The following SESTD1 variants were observed in gnomAD, a reference collection of about 807,000 sequenced individuals.
The protein encoded by SESTD1 is SEC14 and spectrin domain containing 1.
Under a neutral mutation model 101.7 loss-of-function variants are expected in SESTD1, and 43 were observed. The observed-to-expected ratio is 0.42, with a 90% CI of 0.33 to 0.55. The LOEUF is 0.55. SESTD1 is among the 20% of genes least tolerant of loss of function. The pLI, the probability that SESTD1 is intolerant of heterozygous loss-of-function variation, is 0.07. For missense variants in SESTD1, 647 were observed against 815.1 expected (o/e 0.79, Z 2.51); for synonymous variants, 283 against 286.8 (o/e 0.99, Z 0.13).
At chr2:179,197,291 A>G (rs1433729904) in intron 1 of SESTD1, among the ~76,000 whole-genome samples, 1 of 152,154 alleles carries the variant, frequency 6.6e-6, no homozygotes, top group Non-Finnish European at 1.5e-5. Context: ...CAAAGCCTCC[A>G]AGAAATATGG....
At chr2:179,152,541 CAGA>C (rs1203229505) in intron 5 of SESTD1, among the ~76,000 whole-genome samples, 3 of 152,064 alleles carry the variant, frequency 2.0e-5, no homozygotes, top group Admixed American at 6.5e-5. Context: ...TGGAAGAACT[CAGA>C]AGGAGACAAA....
At chr2:179,226,295 A>C (rs2105532394) in intron 1 of SESTD1, among the ~76,000 whole-genome samples, 1 of 152,312 alleles carries the variant, frequency 6.6e-6, no homozygotes, top group African/African-American at 2.4e-5. Flanking sequence ...ACTGCTGAGA[A>C]GACAGGAGAC....
At chr2:179,228,882 T>C (rs1439656848) in intron 1 of SESTD1, among the ~76,000 whole-genome samples, 1 of 152,120 alleles carries the variant, frequency 6.6e-6, no homozygotes, top group Non-Finnish European at 1.5e-5. Context: ...AGAGGACAGA[T>C]AGATCTAGGG....
At chr2:179,148,008 A>G (rs949508942) in intron 7 of SESTD1, among the ~76,000 whole-genome samples, 7 of 152,232 alleles carry the variant, frequency 4.6e-5, no homozygotes, top group Admixed American at 2.0e-4. Context: ...ACAAAATTTC[A>G]TAATTTTACA....
chr2:179,172,676 T>C (rs149457369), intron 4 of SESTD1, among the ~76,000 whole-genome samples: 3 of 152,290 alleles, frequency 2.0e-5, no homozygotes, highest in African/African-American at 7.2e-5. Flanking sequence ...CATTATACAA[T>C]GAGACCAAGA....
At chr2:179,133,414 G>A (rs1018558467) in intron 9 of SESTD1, among the ~76,000 whole-genome samples, 2 of 152,082 alleles carry the variant, frequency 1.3e-5, no homozygotes, top group East Asian at 3.8e-4. Flanking sequence ...GTCTTCAGGG[G>A]AACAGAGCTA....
chr2:179,109,319 G>A lies in SESTD1; in HGVS notation c.*580C>T, dbSNP rs1305194762. 1 of 162,506 alleles carries A rather than the reference G, an allele frequency of 6.2e-6. No individual in the cohort carries two copies. Among genetic ancestry groups the A allele is most frequent in the Non-Finnish European group, 1.3e-5 (1 of 74,948 alleles). The allele number at this position is 162,506 out of a possible 1,614,324, so 10.1% of individuals were successfully genotyped here. ...TAAATTAAATAAGATGTTTAAAGAA[G>A]TCTTTTATTAAGCACAAACAACTTT... On this transcript the variant is annotated 3_prime_UTR_variant, in exon 18 of 18. Transcript: ENST00000428443.
At chr2:179,160,138 T>G (rs1353364685) in intron 5 of SESTD1, among the ~76,000 whole-genome samples, 1 of 152,226 alleles carries the variant, frequency 6.6e-6, no homozygotes, top group Non-Finnish European at 1.5e-5. Context: ...ATTACAGGCA[T>G]GAGCCACTGT....
Position 179,146,502 on chromosome 2 carries a change from C to T in SESTD1, c.582-45G>A, listed in dbSNP as rs376392168. On this transcript the variant is annotated intron_variant, in intron 7 of 17. Transcript: ENST00000428443. Reference sequence around the variant, plus strand: ...TAATTTTCAAAAGGCATATTTCTATCAATGTAACTTTAAAAATTCCTTTAC... The same window carrying T: ...TAATTTTCAAAAGGCATATTTCTATTAATGTAACTTTAAAAATTCCTTTAC... The T allele has an allele frequency of 3.3e-6, 5 of 1,509,646 alleles. No homozygotes were observed. In the African/African-American group the frequency reaches 7.0e-5, roughly 21 times the overall value. The allele number at this position is 1,509,646 out of a possible 1,614,324, so 93.5% of individuals were successfully genotyped here.
In SESTD1 at chr2:179,116,747, G is replaced by GTCT. The variant is rs775406919; in HGVS notation, c.1565_1567dup (p.Lys522dup). Reference sequence around the variant, plus strand: ...AGCATCATCGCCCAATCTGATGTGAGTCTTAAGCAGAGCATCCAGAAGTTC... The same window carrying GTCT: ...AGCATCATCGCCCAATCTGATGTGAGTCTTCTTAAGCAGAGCATCCAGAAGTTC... On this transcript the variant is annotated inframe_insertion, in exon 15 of 18. Coordinates refer to ENST00000428443, the MANE Select transcript of SESTD1 (RefSeq NM_178123.5). 1 of 1,613,988 alleles carries GTCT rather than the reference G, an allele frequency of 6.2e-7. No homozygotes were observed. The highest frequency in any genetic ancestry group is 1.3e-5 in the African/African-American group (1 of 74,930).
intron 1 of SESTD1, among the ~76,000 whole-genome samples, chr2:179,245,408 C>A (rs749340665): frequency 2.0e-5 from 3 of 149,172 alleles, no homozygotes; most frequent in Non-Finnish European, 4.4e-5. Context: ...CCCAGCTACT[C>A]AGGAGGCTAA....
At chr2:179,252,589 CTG>C (rs1487979735) in intron 1 of SESTD1, among the ~76,000 whole-genome samples, 1 of 152,198 alleles carries the variant, frequency 6.6e-6, no homozygotes, top group East Asian at 1.9e-4. Flanking sequence ...AAGGACTGAA[CTG>C]TCTTTTTAAA....
chr2:179,123,564 C>A, intron 12 of SESTD1, 151 bp downstream of exon 12: 1 of 606,998 alleles, frequency 1.6e-6, no homozygotes, highest in Non-Finnish European at 2.9e-6. Flanking sequence ...ATTATAACCC[C>A]TCAAGGGAAT....
rs1559091240 is a variant in SESTD1, at chr2:179,107,393, C to G, written c.*2506G>C. ...CCTGCCTTATTTTACTTTTTGTAGG[C>G]AAGATAGCTTAAGGTATATAAAAAT... On this transcript the variant is annotated 3_prime_UTR_variant, in exon 18 of 18. Coordinates refer to ENST00000428443, the MANE Select transcript of SESTD1 (RefSeq NM_178123.5). 1 of 152,038 alleles carries G rather than the reference C, an allele frequency of 6.6e-6. No homozygotes were observed. Among genetic ancestry groups the G allele is most frequent in the South Asian group, 2.1e-4 (1 of 4,830 alleles). The allele number at this position is 152,038 out of a possible 1,614,324, so 9.4% of individuals were successfully genotyped here.
chr2:179,242,755 A>C (rs1282916166), intron 1 of SESTD1, among the ~76,000 whole-genome samples: 2 of 152,244 alleles, frequency 1.3e-5, no homozygotes, highest in African/African-American at 2.4e-5. Context: ...CCACGTGCAG[A>C]AGAATGAAAC....
intron 4 of SESTD1, among the ~76,000 whole-genome samples, 198 bp downstream of exon 4, chr2:179,176,250 G>A (rs758798403): frequency 6.6e-6 from 1 of 152,116 alleles, no homozygotes; most frequent in African/African-American, 2.4e-5. Flanking sequence ...TAGAATAGAG[G>A]TGAGATATAC....
chr2:179,195,233 G>A (rs184582206), intron 1 of SESTD1, among the ~76,000 whole-genome samples: 2 of 152,328 alleles, frequency 1.3e-5, no homozygotes, highest in East Asian at 3.9e-4. Context: ...TATGTAGAGT[G>A]AGGGAAGTGA....
intron 2 of SESTD1, among the ~76,000 whole-genome samples, chr2:179,187,297 C>T (rs2046247561): frequency 2.0e-5 from 3 of 152,110 alleles, no homozygotes; most frequent in Admixed American, 1.3e-4. Context: ...TCTAACACCC[C>T]ACTTAAAAGA....
rs1390241866 is a variant in SESTD1, at chr2:179,115,094, C to A, written c.1810G>T (p.Ala604Ser). ...SEERVHRLEM[A>S]IAFHSNAEKI... ...TCAGCATTTGAGTGAAATGCAATAG[C>A]CATTTCCAATCTATGTACTCTCTCT... Residue 604 changes from alanine to serine, a missense_variant, in exon 16 of 18, where the codon GCT becomes TCT. Physicochemically the swap from Ala to Ser is moderately conservative, Grantham distance 99. Coordinates refer to ENST00000428443, the MANE Select transcript of SESTD1 (RefSeq NM_178123.5). 6.2e-7 allele frequency: 1 copy of A among 1,609,734 alleles called. No individual in the cohort carries two copies. The highest frequency in any genetic ancestry group is 1.1e-5 in the South Asian group (1 of 89,672).
Sources: allele counts gnomAD v4.1 joint callset (sites outside exome capture counted in the v4.1 genomes callset), GRCh38; gene constraint gnomAD v4.1.1; transcripts MANE v1.5; gene names NCBI Gene and HGNC (gene_info 2026-07-23, HGNC 2026-07-21).